NIPAL3: variants seen among roughly 807,000 people sequenced by gnomAD.
The protein encoded by NIPAL3 is NIPA-like protein 3.
In NIPAL3, 41 loss-of-function variants were observed where a neutral mutation model predicts 47.2. That is an observed-to-expected ratio of 0.87 (90% confidence interval 0.68 to 1.13). The LOEUF (loss-of-function observed/expected upper bound fraction) is 1.13. NIPAL3 is among the 50% of genes most tolerant of loss of function. NIPAL3 has a pLI of 0.00. For synonymous variants in NIPAL3, 194 were observed against 209.6 expected (o/e 0.93, Z 0.64); for missense variants, 449 against 530.1 (o/e 0.85, Z 1.50).
intron 9 of NIPAL3, 65 bp from the exon 10 acceptor site, chr1:24,460,416 G>T: frequency 7.4e-7 from 1 of 1,356,474 alleles, no homozygotes; most frequent in Non-Finnish European, 1.0e-6. Context: ...CCAAATCCTA[G>T]ACAGACTGGC....
chr1:24,428,583 G>T (rs780399557), intron 2 of NIPAL3, among the ~76,000 whole-genome samples: 10 of 152,254 alleles, frequency 6.6e-5, no homozygotes, highest in Middle Eastern at 6.8e-3. Context: ...CTACACAGTC[G>T]TCCATACTTT....
intron 11 of NIPAL3, among the ~76,000 whole-genome samples, chr1:24,467,712 T>G (rs1322769520): frequency 6.6e-6 from 1 of 152,166 alleles, no homozygotes. Context: ...GTCATTGCTA[T>G]TGTTGTTACT....
chr1:24,439,046 G>A (rs1334884925), intron 2 of NIPAL3, among the ~76,000 whole-genome samples: 5 of 152,074 alleles, frequency 3.3e-5, no homozygotes, highest in Non-Finnish European at 5.9e-5. Flanking sequence ...TCCAAAACGG[G>A]GAGGGGTGGG....
Position 24,454,955 on chromosome 1 carries a change from C to T in NIPAL3, c.638-1183C>T, listed in dbSNP as rs1646125193. 1 of 152,220 alleles carries T rather than the reference C, an allele frequency of 6.6e-6. No individual in the cohort carries two copies. Among genetic ancestry groups the T allele is most frequent in the Admixed American group, 6.5e-5 (1 of 15,270 alleles). The allele number at this position is 152,220 out of a possible 1,614,324, so 9.4% of individuals were successfully genotyped here. A position where few individuals can be genotyped will look rare whatever the true frequency, so the allele number is the denominator to read the frequency against. On this transcript the variant is annotated intron_variant, in intron 7 of 11. Coordinates refer to ENST00000374399, the MANE Select transcript of NIPAL3 (RefSeq NM_020448.5). This position sits in a 1 kb window ranked among gnomAD's most constrained non-coding sequence, Gnocchi z 4.1. Reference sequence around the variant, plus strand: ...AAGGATCACGGCCCTGAAACATCCTCTCCTCTTACGTAGGAAGGCCAGAAG... The same window carrying T: ...AAGGATCACGGCCCTGAAACATCCTTTCCTCTTACGTAGGAAGGCCAGAAG...
At chr1:24,437,459 T>C (rs1232075691) in intron 2 of NIPAL3, among the ~76,000 whole-genome samples, 1 of 152,142 alleles carries the variant, frequency 6.6e-6, no homozygotes, top group Non-Finnish European at 1.5e-5. Flanking sequence ...TTATGAGAAG[T>C]TGGGCTAATA....
At chr1:24,424,564 T>C (rs766398161) in intron 2 of NIPAL3, among the ~76,000 whole-genome samples, 1 of 152,188 alleles carries the variant, frequency 6.6e-6, no homozygotes, top group Non-Finnish European at 1.5e-5. Context: ...GTTAAGGCTA[T>C]TTTGATTGCA....
At chr1:24,465,022 T>G (rs1488289311) in intron 11 of NIPAL3, 1 of 152,254 alleles carries the variant, frequency 6.6e-6, no homozygotes, top group East Asian at 1.9e-4. Context: ...CTTTTTATAT[T>G]AGTTCCTCCT....
intron 3 of NIPAL3, among the ~76,000 whole-genome samples, chr1:24,440,942 T>G (rs1645354097): frequency 6.6e-6 from 1 of 152,182 alleles, no homozygotes; most frequent in Non-Finnish European, 1.5e-5. Flanking sequence ...CCCACGGGAC[T>G]AATCCGCTCA....
At chr1:24,434,792 C>A (rs1026422795) in intron 2 of NIPAL3, among the ~76,000 whole-genome samples, 25 of 151,882 alleles carry the variant, frequency 1.6e-4, no homozygotes, top group African/African-American at 5.8e-4. Context: ...TTCACAAAAA[C>A]AAAGTGGGAA....
intron 2 of NIPAL3, among the ~76,000 whole-genome samples, chr1:24,421,514 G>A (rs551697674): frequency 3.3e-5 from 5 of 152,304 alleles, no homozygotes; most frequent in African/African-American, 9.6e-5. Context: ...GAGAGGAAGA[G>A]CTAGAACTAT....
At chr1:24,458,147 C>A (rs1388530109) in intron 8 of NIPAL3, among the ~76,000 whole-genome samples, 2 of 152,204 alleles carry the variant, frequency 1.3e-5, no homozygotes, top group African/African-American at 2.4e-5. Flanking sequence ...TACAGCCAAG[C>A]TGCATGCAGT....
intron 2 of NIPAL3, among the ~76,000 whole-genome samples, chr1:24,439,562 T>C (rs1263316060): frequency 6.6e-6 from 1 of 152,198 alleles, no homozygotes; most frequent in Non-Finnish European, 1.5e-5. Context: ...TTTTTTCTCA[T>C]GCTACCTTGT....
chr1:24,457,500 G>C (rs1646269493), intron 8 of NIPAL3, among the ~76,000 whole-genome samples: 1 of 152,226 alleles, frequency 6.6e-6, no homozygotes, highest in South Asian at 2.1e-4. Flanking sequence ...CACCATAGGA[G>C]CAGCTGCTGC....
At chr1:24,450,728 C>T (rs1645897014) in intron 6 of NIPAL3, among the ~76,000 whole-genome samples, 1 of 152,192 alleles carries the variant, frequency 6.6e-6, no homozygotes, top group African/African-American at 2.4e-5. Flanking sequence ...AGGCCGGGCC[C>T]ACCTGGCCTC....
chr1:24,454,511 T>TA lies in NIPAL3; in HGVS notation c.637+1008dup. The TA allele has an allele frequency of 1.0e-6, 1 of 990,768 alleles. No individual in the cohort carries two copies. The highest frequency in any genetic ancestry group is 1.2e-6 in the Non-Finnish European group (1 of 833,230). The allele number at this position is 990,768 out of a possible 1,614,324, so 61.4% of individuals were successfully genotyped here. A position where few individuals can be genotyped will look rare whatever the true frequency, so the allele number is the denominator to read the frequency against. ...CCACCGCCACAAGCCATCAACCAAA[T>TA]AGATACCTGTCACCGAAGACAGGGT... On this transcript the variant is annotated intron_variant, in intron 7 of 11. Coordinates refer to ENST00000374399, the MANE Select transcript of NIPAL3 (RefSeq NM_020448.5). The surrounding 1 kb of genome is among the most constrained non-coding windows in gnomAD (Gnocchi z 4.1).
At chr1:24,418,189 A>G (rs1644145578) in intron 1 of NIPAL3, among the ~76,000 whole-genome samples, 1 of 152,366 alleles carries the variant, frequency 6.6e-6, no homozygotes, top group Non-Finnish European at 1.5e-5. Context: ...AAGCAATTTA[A>G]AACATTTTTC....
In NIPAL3 at chr1:24,419,577, G is replaced by C; in HGVS notation, c.30G>C (p.Lys10Asn). 1 of 1,614,020 alleles carries C rather than the reference G, an allele frequency of 6.2e-7. No individual in the cohort carries two copies. Among genetic ancestry groups the C allele is most frequent in the Non-Finnish European group, 8.5e-7 (1 of 1,179,966 alleles). Reference sequence around the variant, plus strand: ...ACGGATCCCACAGCGCAGCCCTGAAGCTGCAGCAGCTGCCTCCCACAAGTA... The same window carrying C: ...ACGGATCCCACAGCGCAGCCCTGAACCTGCAGCAGCTGCCTCCCACAAGTA... MDGSHSAALKLQQLPPTSSS... is the reference protein window; with the variant it reads MDGSHSAALNLQQLPPTSSS... The change falls in exon 2 of 12, where the codon AAG (lysine) becomes AAC (asparagine). Residue 10 changes from lysine to asparagine, a missense_variant. Physicochemically the swap from Lys to Asn is moderately conservative, Grantham distance 94. Transcript: ENST00000374399.
rs1290153545 is a variant in NIPAL3, at chr1:24,469,376, G to C, written c.*191G>C. 3 of 573,830 alleles carry C rather than the reference G, an allele frequency of 5.2e-6. No homozygotes were observed. The highest frequency in any genetic ancestry group is 9.2e-6 in the Non-Finnish European group (3 of 326,240). 35.5% of individuals were successfully genotyped at this position (573,830 alleles called of 1,614,324 possible). On this transcript the variant is annotated 3_prime_UTR_variant, in exon 12 of 12. Transcript: ENST00000374399. ...TGGAAATTTCAAATGATGAGGGTTG[G>C]GGGATGGAAGCATTATTCCAGGTGG...
chr1:24,417,820 T>G (rs150211766), intron 1 of NIPAL3, among the ~76,000 whole-genome samples: 1 of 152,226 alleles, frequency 6.6e-6, no homozygotes, highest in Non-Finnish European at 1.5e-5. Context: ...TAGGGCCGGA[T>G]AGCAGAAGGA....
Sources: gnomAD v4.1 joint callset for allele counts (sites outside exome capture counted in the v4.1 genomes callset) on GRCh38, gnomAD v4.1.1 for gene constraint, Gnocchi (gnomAD v3.1) non-coding constraint, MANE v1.5 for transcripts, NCBI Gene and HGNC (gene_info 2026-07-23, HGNC 2026-07-21) for gene names.